IGFL4: variants seen among roughly 807,000 people sequenced by gnomAD.
IGFL4 encodes insulin growth factor-like family member 4.
In IGFL4, 12 loss-of-function variants were observed where a neutral mutation model predicts 15.4. The observed-to-expected ratio is 0.78, with a 90% CI of 0.50 to 1.26. The LOEUF (loss-of-function observed/expected upper bound fraction) is 1.26. Among genes scored for constraint, IGFL4 ranks in the 50% most tolerant of loss-of-function variants. The probability of loss-of-function intolerance (pLI) is 0.00; values close to 1 mark genes in which losing one functional copy is unlikely to be tolerated. For missense variants in IGFL4, 126 were observed against 147.8 expected, an observed-to-expected ratio of 0.85 and a Z score of 0.76; for synonymous variants, 54 against 55.9, an observed-to-expected ratio of 0.97 and a Z score of 0.16.
intron 1 of IGFL4, among the ~76,000 whole-genome samples, chr19:46,071,213 C>T (rs998097957): frequency 7.9e-5 from 12 of 152,006 alleles, no homozygotes; most frequent in Middle Eastern, 3.4e-3. Context: ...CTCACGCCAG[C>T]GGCACACCAG....
chr19:46,054,022 C>G (rs1019151549), intron 2 of IGFL4, among the ~76,000 whole-genome samples: 2 of 152,210 alleles, frequency 1.3e-5, no homozygotes, highest in African/African-American at 4.8e-5. Context: ...GATATTAATG[C>G]CTAGTCAGAT....
intron 1 of IGFL4, among the ~76,000 whole-genome samples, chr19:46,076,865 C>T (rs763576005): frequency 6.6e-6 from 1 of 152,144 alleles, no homozygotes; most frequent in Non-Finnish European, 1.5e-5. Flanking sequence ...TGTTCACTGA[C>T]CTAGCTTCTG....
At chr19:46,062,554 G>A (rs942626178) in intron 1 of IGFL4, among the ~76,000 whole-genome samples, 4 of 152,234 alleles carry the variant, frequency 2.6e-5, no homozygotes, top group South Asian at 4.1e-4. Flanking sequence ...AGAGCCAGGA[G>A]AAAGTACTGC....
At chr19:46,074,727 G>C (rs1392035286) in intron 1 of IGFL4, among the ~76,000 whole-genome samples, 6 of 152,300 alleles carry the variant, frequency 3.9e-5, no homozygotes, top group Non-Finnish European at 8.8e-5. Context: ...TGCCCACCCA[G>C]ATTAACATCG....
rs1037533055 is a variant in IGFL4, at chr19:46,039,269, G to C, written c.*623C>G. 1.4e-5 allele frequency among the ~76,000 whole-genome samples: 2 copies of C among 139,510 alleles called. No individual in the cohort carries two copies. Among genetic ancestry groups the C allele is most frequent in the Non-Finnish European group, 3.1e-5 (2 of 64,654 alleles). The allele number at this position is 139,510 out of a possible 152,430, so 91.5% of individuals were successfully genotyped here. A position where few individuals can be genotyped will look rare whatever the true frequency, so the allele number is the denominator to read the frequency against. On this transcript the variant is annotated 3_prime_UTR_variant, in exon 4 of 4. Transcript: ENST00000377697. The stretch of plus-strand genomic sequence containing the variant: ...GATCTATATCTCTGTTTTGGTACCA[G>C]TACCATGCTGTTTTGGTTACTGTAG...
rs548227684 is a variant in IGFL4, at chr19:46,066,233, G to A, written c.-431-5940C>T. ...AAATACAAGACTTCTAGTTAAGTTT[G>A]AATTTCAGATGAGCAACAAAGAAAT... On this transcript the variant is annotated intron_variant, in intron 1 of 5. Coordinates refer to the IGFL4 transcript ENST00000601672. 3.9e-5 allele frequency among the ~76,000 whole-genome samples: 6 copies of A among 152,310 alleles called. No homozygotes were observed. In the East Asian group the frequency reaches 1.2e-3, roughly 29 times the overall value.
intron 1 of IGFL4, among the ~76,000 whole-genome samples, chr19:46,068,662 C>T (rs184911859): frequency 5.0e-4 from 76 of 152,300 alleles, no homozygotes; most frequent in African/African-American, 1.8e-3. Context: ...CTCTGACTCC[C>T]TCCCTGGGTA....
chr19:46,068,482 C>T (rs150505478), intron 1 of IGFL4, among the ~76,000 whole-genome samples: 13 of 152,270 alleles, frequency 8.5e-5, no homozygotes, highest in African/African-American at 2.6e-4. Context: ...TTGTGGGATA[C>T]GTTTACCAGA....
chr19:46,065,909 GA>G (rs567510805), intron 1 of IGFL4, among the ~76,000 whole-genome samples: 2 of 152,168 alleles, frequency 1.3e-5, no homozygotes, highest in South Asian at 4.2e-4. Flanking sequence ...TAGGAGTTTG[GA>G]AAAAAATCCT....
At chr19:46,043,838 A>G (rs929477628), upstream of IGFL4, among the ~76,000 whole-genome samples, 1 of 152,202 alleles carries the variant, frequency 6.6e-6, no homozygotes, top group Admixed American at 6.5e-5. Context: ...CTAGAAGAAA[A>G]CATAAAAAAA....
At chr19:46,071,763 G>T (rs977665110) in intron 1 of IGFL4, among the ~76,000 whole-genome samples, 1 of 152,196 alleles carries the variant, frequency 6.6e-6, no homozygotes, top group South Asian at 2.1e-4. Flanking sequence ...GCTCACGCCC[G>T]TAATCCCAAC....
intron 2 of IGFL4, among the ~76,000 whole-genome samples, chr19:46,050,400 AC>A (rs987773944): frequency 6.6e-6 from 1 of 152,214 alleles, no homozygotes; most frequent in Non-Finnish European, 1.5e-5. Flanking sequence ...GTGAAGTCCA[AC>A]TTAAAGAAAT....
chr19:46,058,878 G>A (rs1969418605), intron 2 of IGFL4: 1 of 152,180 alleles, frequency 6.6e-6, no homozygotes, highest in African/African-American at 2.4e-5. Context: ...CACAAGGGGT[G>A]GATTATTCAT....
upstream of IGFL4, among the ~76,000 whole-genome samples, chr19:46,041,609 G>C (rs564989486): frequency 1.5e-3 from 219 of 148,230 alleles, no homozygotes; most frequent in African/African-American, 5.1e-3. Context: ...TTTTTGGTTT[G>C]TGGAGTGCCT....
At chr19:46,068,760 GC>G (rs1969518393) in intron 1 of IGFL4, among the ~76,000 whole-genome samples, 1 of 152,182 alleles carries the variant, frequency 6.6e-6, no homozygotes, top group Admixed American at 6.5e-5. Flanking sequence ...TCAGTCTGAG[GC>G]AATTATGTGG....
At chr19:46,063,614 A>G (rs1366378435) in intron 1 of IGFL4, among the ~76,000 whole-genome samples, 1 of 152,212 alleles carries the variant, frequency 6.6e-6, no homozygotes, top group African/African-American at 2.4e-5. Flanking sequence ...CATCTAGCAC[A>G]GAGCCCTGCG....
At chr19:46,075,400 T>G (rs1436729858) in intron 1 of IGFL4, among the ~76,000 whole-genome samples, 1 of 152,152 alleles carries the variant, frequency 6.6e-6, no homozygotes, top group African/African-American at 2.4e-5. Context: ...TTGATGACCT[T>G]CACAGTTATG....
Position 46,040,964 on chromosome 19 carries a change from G to T in IGFL4, c.-2C>A. ...CTTACCAGAAATTCTGGGCACCATGGGTTAGGCTTCAGAGCAGCGGACGAG... is the reference window on the plus strand; with the variant it reads ...CTTACCAGAAATTCTGGGCACCATGTGTTAGGCTTCAGAGCAGCGGACGAG... On this transcript the variant is annotated 5_prime_UTR_variant, in exon 1 of 4. Coordinates refer to ENST00000377697, the MANE Select transcript of IGFL4 (RefSeq NM_001002923.3). The surrounding 1 kb of genome is among the most constrained non-coding windows in gnomAD (Gnocchi z 4.1). The T allele has an allele frequency of 6.3e-7, 1 of 1,590,028 alleles. No homozygotes were observed. The highest frequency in any genetic ancestry group is 2.2e-5 in the East Asian group (1 of 44,534).
In IGFL4 at chr19:46,051,081, A is replaced by G. The variant is rs144875452; in HGVS notation, c.-323+9104T>C. 5.0e-3 allele frequency among the ~76,000 whole-genome samples: 767 copies of G among 152,362 alleles called. 7 individuals carry two copies. Among genetic ancestry groups the G allele is most frequent in the African/African-American group, 0.018 (729 of 41,594 alleles). ...CATTCAGTGAAGCTAAGCCTCATAA[A>G]TGAAGGAAAGATACAGTCTTTTTCA... On this transcript the variant is annotated intron_variant, in intron 2 of 5. Transcript: ENST00000601672.
Sources: allele counts gnomAD v4.1 joint callset (sites outside exome capture counted in the v4.1 genomes callset), GRCh38; gene constraint gnomAD v4.1.1; non-coding constraint Gnocchi (gnomAD v3.1); transcripts MANE v1.5; gene names NCBI Gene and HGNC (gene_info 2026-07-23, HGNC 2026-07-21).